Variants in C7orf78 observed in about 807,000 individuals in gnomAD.
C7orf78 encodes the protein chromosome 7 open reading frame 78.
chr7:12,490,605 T>G, the C7orf78 span, among the ~76,000 whole-genome samples: 1 of 152,114 alleles, frequency 6.6e-6, no homozygotes, highest in Non-Finnish European at 1.5e-5. Flanking sequence ...GAAATTATTA[T>G]AAGTCAAACA....
the C7orf78 span, among the ~76,000 whole-genome samples, chr7:12,507,853 C>T: frequency 0.2 from 29,806 of 152,044 alleles, 3,946 homozygotes; most frequent in African/African-American, 0.38. Flanking sequence ...TTCCAGTTTT[C>T]CCAAATACCA....
At chr7:12,527,888 G>C in the C7orf78 span, among the ~76,000 whole-genome samples, 2 of 144,478 alleles carry the variant, frequency 1.4e-5, 1 homozygote, top group African/African-American at 5.2e-5. Flanking sequence ...GAACATATCA[G>C]CTTCCTAGTA....
At chr7:12,525,922 T>C in the C7orf78 span, 3 of 396,686 alleles carry the variant, frequency 7.6e-6, no homozygotes, top group Admixed American at 4.4e-5. Context: ...GTTAAGATGT[T>C]ATGAATATTG....
the C7orf78 span, among the ~76,000 whole-genome samples, chr7:12,508,059 G>A: frequency 1.3e-5 from 2 of 152,050 alleles, no homozygotes; most frequent in African/African-American, 2.4e-5. Flanking sequence ...AATAATGTGT[G>A]GTCTGTAAGC....
the C7orf78 span, among the ~76,000 whole-genome samples, chr7:12,507,944 T>C: frequency 7.9e-5 from 12 of 152,198 alleles, no homozygotes; most frequent in African/African-American, 2.7e-4. Flanking sequence ...AAGTTAAGCA[T>C]TTTTATGTTA....
At chr7:12,501,698 C>A in the C7orf78 span, among the ~76,000 whole-genome samples, 1 of 149,870 alleles carries the variant, frequency 6.7e-6, no homozygotes, top group Non-Finnish European at 1.5e-5. Context: ...ATCAAGCTAC[C>A]AATGCCTTTA....
At chr7:12,530,604 C>G in the C7orf78 span, 1 of 152,540 alleles carries the variant, frequency 6.6e-6, no homozygotes, top group South Asian at 2.1e-4. Flanking sequence ...TTTCAGGTTT[C>G]TTTGTGTCCC....
chr7:12,495,964 C>T, the C7orf78 span, among the ~76,000 whole-genome samples: 475 of 151,350 alleles, frequency 3.1e-3, 4 homozygotes, highest in African/African-American at 0.011. Flanking sequence ...CTCACTCTTT[C>T]GCCCAAGCCA....
At chr7:12,514,668 G>A in the C7orf78 span, among the ~76,000 whole-genome samples, 1 of 151,772 alleles carries the variant, frequency 6.6e-6, no homozygotes, top group Non-Finnish European at 1.5e-5. Flanking sequence ...GTTTTCTGTT[G>A]TGGTACTATT....
At chr7:12,511,721 G>T in the C7orf78 span, among the ~76,000 whole-genome samples, 2 of 151,786 alleles carry the variant, frequency 1.3e-5, no homozygotes, top group African/African-American at 2.4e-5. Context: ...TTTGTGTCTT[G>T]TAACTGAATT....
chr7:12,538,854 C>G, the C7orf78 span, among the ~76,000 whole-genome samples: 1 of 152,084 alleles, frequency 6.6e-6, no homozygotes, highest in Non-Finnish European at 1.5e-5. Context: ...GCAGGATGCT[C>G]TATGATCAAA....
chr7:12,535,289 A>AT, the C7orf78 span, among the ~76,000 whole-genome samples: 1 of 152,208 alleles, frequency 6.6e-6, no homozygotes, highest in African/African-American at 2.4e-5. Flanking sequence ...AGACCTCACA[A>AT]TCATGGTGGA....
chr7:12,509,620 C>G, the C7orf78 span, among the ~76,000 whole-genome samples: 2 of 152,196 alleles, frequency 1.3e-5, no homozygotes, highest in African/African-American at 4.8e-5. Context: ...AACCCCCTCT[C>G]ACCAACTCAC....
At chr7:12,487,400 G>A in the C7orf78 span, among the ~76,000 whole-genome samples, 13,606 of 152,034 alleles carry the variant, frequency 0.089, 814 homozygotes, top group Non-Finnish European at 0.13. Flanking sequence ...GAAAAATGAA[G>A]ATATGTTCAC....
the C7orf78 span, among the ~76,000 whole-genome samples, chr7:12,517,386 A>G: frequency 6.6e-6 from 1 of 152,254 alleles, no homozygotes; most frequent in Non-Finnish European, 1.5e-5. Flanking sequence ...GTATGTTTTT[A>G]TCGGCAGCAT....
chr7:12,533,795 C>T, the C7orf78 span, among the ~76,000 whole-genome samples: 11 of 152,090 alleles, frequency 7.2e-5, no homozygotes, highest in African/African-American at 2.4e-4. Flanking sequence ...GGATTACAGG[C>T]GTGAGCCACC....
chr7:12,534,817 G>C, the C7orf78 span, among the ~76,000 whole-genome samples: 1 of 152,054 alleles, frequency 6.6e-6, no homozygotes, highest in Non-Finnish European at 1.5e-5. Context: ...AGCCAGATGT[G>C]GTAGTACACA....
At chr7:12,492,592 A>T in the C7orf78 span, among the ~76,000 whole-genome samples, 1 of 152,188 alleles carries the variant, frequency 6.6e-6, no homozygotes, top group African/African-American at 2.4e-5. Context: ...TTTTTTTACA[A>T]AACAGAAATA....
the C7orf78 span, among the ~76,000 whole-genome samples, chr7:12,485,065 A>G: frequency 6.6e-6 from 1 of 151,788 alleles, no homozygotes; most frequent in African/African-American, 2.4e-5. Flanking sequence ...TTTTCTCTAC[A>G]CCATCATTCA....
Sources: gnomAD v4.1 joint callset for allele counts (sites outside exome capture counted in the v4.1 genomes callset) on GRCh38, gnomAD v4.1.1 for gene constraint, MANE v1.5 for transcripts, NCBI Gene and HGNC (gene_info 2026-07-23, HGNC 2026-07-21) for gene names.